Variants in FRK observed in about 807,000 individuals in gnomAD.
FRK encodes tyrosine-protein kinase FRK.
FRK carries 51 observed loss-of-function variants against 56.4 expected under a neutral mutation model. That is an observed-to-expected ratio of 0.90 (90% CI 0.72 to 1.14). The LOEUF is 1.14. Ranked by LOEUF, FRK falls within the 50% of genes most tolerant of loss-of-function variation. FRK has a pLI of 0.00. For missense variants in FRK, 570 were observed against 601.4 expected (o/e 0.95, Z 0.55); for synonymous variants, 245 against 217.9 (o/e 1.12, Z -1.10).
At chr6:116,089,978 A>C in the FRK span, among the ~76,000 whole-genome samples, 1 of 152,240 alleles carries the variant, frequency 6.6e-6, no homozygotes. Context: ...TTAGCAAATA[A>C]AAATATAGAA....
chr6:116,060,805 G>C lies in FRK; in HGVS notation c.-494C>G, dbSNP rs997924599. On this transcript the variant is annotated 5_prime_UTR_variant, in exon 1 of 8. It adds an upstream start codon to the 5' untranslated region. Coordinates refer to ENST00000606080, the MANE Select transcript of FRK (RefSeq NM_002031.3). ...CTGTTCCTGTCTTTCGACCAGTCCG[G>C]ATCTGGACGGCTCTCTCCTTTTTGC... The C allele has an allele frequency of 6.4e-6, 1 of 156,206 alleles. No homozygotes were observed. Among genetic ancestry groups the C allele is most frequent in the South Asian group, 2.0e-4 (1 of 5,102 alleles). The allele number at this position is 156,206 out of a possible 1,614,324, so 9.7% of individuals were successfully genotyped here.
intron 2 of FRK, among the ~76,000 whole-genome samples, chr6:115,972,387 C>T (rs1031341961): frequency 3.3e-5 from 5 of 152,336 alleles, no homozygotes; most frequent in Middle Eastern, 3.4e-3. Flanking sequence ...AGTCAGGCAC[C>T]TGTGTTCTAT....
intron 7 of FRK, 149 bp downstream of exon 7, chr6:115,942,871 A>G (rs1320891200): frequency 2.5e-6 from 2 of 799,364 alleles, no homozygotes; most frequent in African/African-American, 1.7e-5. Flanking sequence ...AATGCAAATT[A>G]TCATCATCAA....
chr6:115,999,827 C>G (rs1011007244), intron 2 of FRK, among the ~76,000 whole-genome samples: 3 of 152,132 alleles, frequency 2.0e-5, no homozygotes, highest in Non-Finnish European at 4.4e-5. Context: ...CCATTTTTCT[C>G]CTGTATAGCC....
intron 5 of FRK, among the ~76,000 whole-genome samples, chr6:115,944,817 A>G (rs1772358899): frequency 6.6e-6 from 1 of 152,044 alleles, no homozygotes; most frequent in Non-Finnish European, 1.5e-5. Flanking sequence ...AGATTATTTC[A>G]TCACCTAGGT....
At chr6:115,986,439 G>C (rs1774397393) in intron 2 of FRK, among the ~76,000 whole-genome samples, 1 of 152,032 alleles carries the variant, frequency 6.6e-6, no homozygotes, top group Non-Finnish European at 1.5e-5. Flanking sequence ...AGATTTATGG[G>C]TAAAAGTGAT....
chr6:115,956,516 T>C lies in FRK; in HGVS notation c.894A>G (p.Leu298=), dbSNP rs371465305. The C allele has an allele frequency of 6.9e-6, 11 of 1,591,468 alleles. No homozygotes were observed. The African/African-American group carries it at 1.3e-4, about 19-fold the overall frequency. ...KLIQLYAVCT[L]EDPIYIITEL... ...CTGTAATAATATAAATTGGATCTTC[T>C]AAAGTGCAAACAGCATAAAGCTGGA... The change falls in exon 5 of 8, where the codon TTA becomes TTG. Residue 298 remains leucine (L), a synonymous_variant. Coordinates refer to ENST00000606080, the MANE Select transcript of FRK (RefSeq NM_002031.3).
rs1245825456 is a variant in FRK, at chr6:115,939,678, A to C, written c.*2736T>G. ...ATGTGCAAAAATCACACACATTCCT[A>C]TACACCAATAACAAACAGAGAGCCA... On this transcript the variant is annotated 3_prime_UTR_variant, in exon 8 of 8. Coordinates refer to ENST00000606080, the MANE Select transcript of FRK (RefSeq NM_002031.3). The C allele has an allele frequency of 6.6e-6, 1 of 152,152 alleles. No individual in the cohort carries two copies. Among genetic ancestry groups the C allele is most frequent in the Non-Finnish European group, 1.5e-5 (1 of 68,058 alleles). 9.4% of individuals were successfully genotyped at this position (152,152 alleles called of 1,614,324 possible).
In FRK at chr6:115,956,442, T is replaced by C. The variant is rs752147311; in HGVS notation, c.958+10A>G. 3 of 1,505,832 alleles carry C rather than the reference T, an allele frequency of 2.0e-6. No homozygotes were observed. The highest frequency in any genetic ancestry group is 2.7e-6 in the Non-Finnish European group (3 of 1,125,040). The allele number at this position is 1,505,832 out of a possible 1,614,324, so 93.3% of individuals were successfully genotyped here. On this transcript the variant is annotated intron_variant, in intron 5 of 7. Coordinates refer to ENST00000606080, the MANE Select transcript of FRK (RefSeq NM_002031.3). ...CCTCTTTTTTTCCTTGTATTAAGTC[T>C]TTAGCTTACTTTGGAGATATTCTTG...
chr6:115,976,225 T>A (rs762191571), intron 2 of FRK, among the ~76,000 whole-genome samples: 34 of 152,280 alleles, frequency 2.2e-4, no homozygotes, highest in South Asian at 6.2e-4. Flanking sequence ...AGAAAAGGGT[T>A]TCTCTGCCAC....
chr6:116,084,908 G>A, the FRK span, among the ~76,000 whole-genome samples: 1 of 152,262 alleles, frequency 6.6e-6, no homozygotes, highest in East Asian at 1.9e-4. Context: ...ATAAGATAAT[G>A]GCAGTGAAGG....
chr6:116,100,284 A>G, the FRK span, among the ~76,000 whole-genome samples: 1 of 152,224 alleles, frequency 6.6e-6, no homozygotes, highest in Non-Finnish European at 1.5e-5. Flanking sequence ...AACGCACTCC[A>G]GGGTATGAAA....
the FRK span, among the ~76,000 whole-genome samples, chr6:116,075,491 CT>C: frequency 1.4e-5 from 2 of 144,348 alleles, no homozygotes; most frequent in Non-Finnish European, 3.0e-5. Context: ...AAACCTGGAA[CT>C]TTTTTTCCTC....
At chr6:116,065,503 T>C (rs1777744383), upstream of FRK, among the ~76,000 whole-genome samples, 1 of 152,218 alleles carries the variant, frequency 6.6e-6, no homozygotes, top group South Asian at 2.1e-4. Flanking sequence ...CCCCTTCTTT[T>C]GCCTGATGTG....
intron 1 of FRK, among the ~76,000 whole-genome samples, chr6:116,052,185 A>AT (rs1292133602): frequency 6.6e-6 from 1 of 152,166 alleles, no homozygotes; most frequent in Admixed American, 6.5e-5. Context: ...ACTCTTAAGT[A>AT]TTTTCTCCCC....
chr6:116,016,347 G>A (rs986330025), intron 1 of FRK, among the ~76,000 whole-genome samples: 4 of 152,098 alleles, frequency 2.6e-5, no homozygotes, highest in African/African-American at 4.8e-5. Context: ...AATGTTCCTA[G>A]CATGAAGAAA....
At chr6:115,949,489 C>T (rs988085851) in intron 5 of FRK, among the ~76,000 whole-genome samples, 2 of 151,956 alleles carry the variant, frequency 1.3e-5, no homozygotes, top group African/African-American at 2.4e-5. Context: ...TGTTAAGGAC[C>T]TCTTTAAAGA....
chr6:116,003,784 C>A, intron 2 of FRK, 93 bp downstream of exon 2: 1 of 1,428,170 alleles, frequency 7.0e-7, no homozygotes, highest in Non-Finnish European at 9.5e-7. Flanking sequence ...AGAAATAAGG[C>A]AAATTTTAAA....
At chr6:116,040,700 A>C (rs1183410241) in intron 1 of FRK, among the ~76,000 whole-genome samples, 1 of 152,152 alleles carries the variant, frequency 6.6e-6, no homozygotes, top group African/African-American at 2.4e-5. Flanking sequence ...TTAGAAATTT[A>C]GGTGGTATCA....
Sources: gnomAD v4.1 joint callset for allele counts (sites outside exome capture counted in the v4.1 genomes callset) on GRCh38, gnomAD v4.1.1 for gene constraint, MANE v1.5 for transcripts, NCBI Gene and HGNC (gene_info 2026-07-23, HGNC 2026-07-21) for gene names.